CNTN5: variants seen among roughly 807,000 people sequenced by gnomAD.
CNTN5 encodes contactin-5.
In CNTN5, 77 loss-of-function variants were observed where a neutral mutation model predicts 129.1. The ratio of observed to expected loss-of-function variants is 0.60; its 90% CI spans 0.50 to 0.72. The LOEUF is 0.72. Ranked by LOEUF, CNTN5 falls within the 30% of genes least tolerant of loss-of-function variation. The pLI is 0.00. For synonymous variants in CNTN5, 509 were observed against 465.6 expected (o/e 1.09, Z -1.20); for missense variants, 1,478 against 1,328.8 (o/e 1.11, Z -1.75).
chr11:99,110,787 T>G (rs1334109298), intron 1 of CNTN5, among the ~76,000 whole-genome samples: 1 of 152,168 alleles, frequency 6.6e-6, no homozygotes, highest in East Asian at 1.9e-4. Flanking sequence ...ATTTTAAAAA[T>G]GTTTAAAAGT....
chr11:99,518,795 A>T (rs955699059), intron 2 of CNTN5, among the ~76,000 whole-genome samples: 1 of 152,032 alleles, frequency 6.6e-6, no homozygotes, highest in African/African-American at 2.4e-5. Context: ...AATTATGCCC[A>T]TATAATGTCT....
chr11:99,119,388 GT>G (rs1180023634), intron 1 of CNTN5, among the ~76,000 whole-genome samples: 1 of 152,118 alleles, frequency 6.6e-6, no homozygotes, highest in African/African-American at 2.4e-5. Context: ...AGAACATACG[GT>G]TTTTGGTTTT....
At chr11:100,041,988 A>C in intron 9 of CNTN5, among the ~76,000 whole-genome samples, 1 of 152,192 alleles carries the variant, frequency 6.6e-6, no homozygotes, top group South Asian at 2.1e-4. Context: ...AGTTAGATGC[A>C]GTTAATTTAT....
At chr11:100,039,258 G>A (rs1279101337) in intron 9 of CNTN5, among the ~76,000 whole-genome samples, 2 of 152,098 alleles carry the variant, frequency 1.3e-5, no homozygotes. Flanking sequence ...GAAATTCTAG[G>A]TTGAAAATTC....
At chr11:99,770,680 TC>T (rs1274403512) in intron 3 of CNTN5, among the ~76,000 whole-genome samples, 3 of 152,138 alleles carry the variant, frequency 2.0e-5, no homozygotes, top group Non-Finnish European at 4.4e-5. Flanking sequence ...CAAATTTTTC[TC>T]TAAATATTTT....
chr11:100,049,150 G>A (rs186333935), intron 9 of CNTN5, among the ~76,000 whole-genome samples: 39 of 152,110 alleles, frequency 2.6e-4, no homozygotes, highest in African/African-American at 8.9e-4. Flanking sequence ...TAAAATATAT[G>A]TGTACATATA....
intron 3 of CNTN5, among the ~76,000 whole-genome samples, chr11:99,702,727 A>G (rs1025529424): frequency 2.7e-5 from 4 of 150,928 alleles, no homozygotes; most frequent in Non-Finnish European, 5.9e-5. Flanking sequence ...TTTATATCCA[A>G]GATGTTTGAT....
chr11:99,963,152 C>G (rs1396645238), intron 8 of CNTN5, among the ~76,000 whole-genome samples: 1 of 152,112 alleles, frequency 6.6e-6, no homozygotes, highest in Non-Finnish European at 1.5e-5. Flanking sequence ...TGCAGGAGCT[C>G]TTTAGTTTAA....
At chr11:100,209,500 C>T (rs4598639) in intron 15 of CNTN5, among the ~76,000 whole-genome samples, 2 of 152,138 alleles carry the variant, frequency 1.3e-5, no homozygotes, top group Non-Finnish European at 2.9e-5. Context: ...TTAGAAAATT[C>T]TAATCACTTT....
intron 17 of CNTN5, 33 bp downstream of exon 17, chr11:100,255,951 C>A (rs1249394756): frequency 6.3e-7 from 1 of 1,599,810 alleles, no homozygotes; most frequent in East Asian, 2.2e-5. Flanking sequence ...CAGATATAAC[C>A]AGAGTGGCCT....
chr11:100,032,290 A>C (rs1324192942), intron 9 of CNTN5, among the ~76,000 whole-genome samples: 2 of 152,070 alleles, frequency 1.3e-5, no homozygotes, highest in Admixed American at 1.3e-4. Context: ...TAGTTATATT[A>C]ATGTGGATTT....
chr11:99,808,267 TAAATC>T (rs1946330965), intron 3 of CNTN5, among the ~76,000 whole-genome samples: 1 of 152,092 alleles, frequency 6.6e-6, no homozygotes, highest in Admixed American at 6.5e-5. Context: ...AGTGACATAT[TAAATC>T]AGGCTGCAAT....
At chr11:99,352,408 T>C (rs1206265400) in intron 2 of CNTN5, among the ~76,000 whole-genome samples, 1 of 152,184 alleles carries the variant, frequency 6.6e-6, no homozygotes, top group Admixed American at 6.5e-5. Flanking sequence ...CCCCATCATA[T>C]ATTTATTTTT....
intron 2 of CNTN5, among the ~76,000 whole-genome samples, chr11:99,455,412 A>C (rs564769282): frequency 6.6e-6 from 1 of 152,274 alleles, no homozygotes. Flanking sequence ...TGAGTGATAA[A>C]GATTTCATTT....
At chr11:99,642,972 G>A (rs1453427074) in intron 3 of CNTN5, among the ~76,000 whole-genome samples, 1 of 152,080 alleles carries the variant, frequency 6.6e-6, no homozygotes, top group Non-Finnish European at 1.5e-5. Context: ...TGTATACCAT[G>A]TTTTTTCACC....
chr11:99,713,547 A>ATG (rs1417468564), intron 3 of CNTN5, among the ~76,000 whole-genome samples: 1 of 151,852 alleles, frequency 6.6e-6, no homozygotes, highest in Non-Finnish European at 1.5e-5. Flanking sequence ...TCTATGCAAG[A>ATG]TGCTGGGGTA....
intron 2 of CNTN5, among the ~76,000 whole-genome samples, chr11:99,551,444 C>A (rs1948478917): frequency 6.6e-6 from 1 of 152,144 alleles, no homozygotes; most frequent in Non-Finnish European, 1.5e-5. Context: ...TATTTATTAA[C>A]TGGGGCAAAT....
chr11:99,078,410 A>G (rs916198831), intron 1 of CNTN5, among the ~76,000 whole-genome samples: 4 of 152,238 alleles, frequency 2.6e-5, no homozygotes, highest in Non-Finnish European at 5.9e-5. Context: ...CATATGATCC[A>G]GCAATCCCTC....
At chr11:99,795,556 C>G (rs1375462907) in intron 3 of CNTN5, among the ~76,000 whole-genome samples, 1 of 147,764 alleles carries the variant, frequency 6.8e-6, no homozygotes, top group Non-Finnish European at 1.5e-5. Context: ...AGCTAATGTT[C>G]TTTCAATCGC....
Sources: allele counts gnomAD v4.1 joint callset (sites outside exome capture counted in the v4.1 genomes callset), GRCh38; gene constraint gnomAD v4.1.1; transcripts MANE v1.5; gene names NCBI Gene and HGNC (gene_info 2026-07-23, HGNC 2026-07-21).